The following DLEC1 variants were observed in gnomAD, a reference collection of about 807,000 sequenced individuals.
DLEC1 encodes the protein deleted in lung and esophageal cancer protein 1.
A neutral mutation model predicts 198.1 loss-of-function variants in DLEC1; 146 were observed. That is an observed-to-expected ratio of 0.74 (90% CI 0.64 to 0.85). The LOEUF is 0.85. DLEC1 is among the 40% of genes least tolerant of loss of function. DLEC1 has a pLI of 0.00. For synonymous variants in DLEC1, 897 were observed against 866.8 expected (o/e 1.03, Z -0.61); for missense variants, 2,233 against 2,220.0 (o/e 1.01, Z -0.12).
At position 38,096,635 on chromosome 3, in the gene DLEC1, G is replaced by A. The variant is rs1449169463; in HGVS notation, c.2238G>A (p.Glu746=). 6.2e-7 allele frequency: 1 copy of A among 1,613,012 alleles called. No individual in the cohort carries two copies. Among genetic ancestry groups the A allele is most frequent in the African/African-American group, 1.3e-5 (1 of 75,002 alleles). Residue 746 remains glutamate (E), a synonymous_variant, in exon 15 of 37, where the codon GAG becomes GAA. Transcript: ENST00000308059. ...SVDDVIVLEI[E]VKGSVEPFQV... ...ATGATGTGATTGTCCTGGAAATCGA[G>A]GTGAAAGGCTCAGTAGAACCTTTCC...
At chr3:38,046,475 T>TGTAA (rs1231003685) in intron 2 of DLEC1, among the ~76,000 whole-genome samples, 1 of 152,204 alleles carries the variant, frequency 6.6e-6, no homozygotes, top group Non-Finnish European at 1.5e-5. Context: ...CCTTCGCTCA[T>TGTAA]GTAAGACATG....
chr3:38,083,987 CATA>C (rs1470332504), intron 6 of DLEC1, among the ~76,000 whole-genome samples, 168 bp from the exon 7 acceptor site: 1 of 152,078 alleles, frequency 6.6e-6, no homozygotes, highest in East Asian at 1.9e-4. Context: ...CATAGGATGG[CATA>C]ATGAATCCCC....
chr3:38,121,946 C>G, intron 35 of DLEC1, 125 bp from the exon 36 acceptor site: 1 of 1,519,812 alleles, frequency 6.6e-7, no homozygotes, highest in Non-Finnish European at 8.9e-7. Flanking sequence ...CACATGATCT[C>G]AGGGTTGCCC....
At chr3:38,113,610 G>C (rs990012804) in intron 25 of DLEC1, among the ~76,000 whole-genome samples, 2 of 152,088 alleles carry the variant, frequency 1.3e-5, no homozygotes, top group Admixed American at 6.6e-5. Flanking sequence ...AGGATCACTT[G>C]TGCCCAGGAG....
intron 34 of DLEC1, among the ~76,000 whole-genome samples, chr3:38,121,329 C>T (rs1270528860): frequency 6.6e-6 from 1 of 152,206 alleles, no homozygotes; most frequent in African/African-American, 2.4e-5. Context: ...GGGGCCACCA[C>T]AGGAGGAGCA....
chr3:38,085,145 A>G (rs933560489), intron 7 of DLEC1, 129 bp from the exon 8 acceptor site: 10 of 964,960 alleles, frequency 1.0e-5, no homozygotes, highest in Non-Finnish European at 1.6e-5. Flanking sequence ...TCCTGCCATC[A>G]GCGTGGCTTT....
intron 14 of DLEC1, among the ~76,000 whole-genome samples, chr3:38,096,275 A>G (rs1314239675): frequency 2.6e-5 from 4 of 152,160 alleles, no homozygotes; most frequent in Non-Finnish European, 5.9e-5. Flanking sequence ...GTAAACCTTC[A>G]GGCTGGGGCT....
intron 23 of DLEC1, 135 bp from the exon 24 acceptor site, chr3:38,111,542 T>C (rs1336529959): frequency 3.9e-6 from 3 of 771,370 alleles, no homozygotes; most frequent in Non-Finnish European, 6.0e-6. Context: ...TGACCAGCTC[T>C]CCCCTGGGAA....
intron 24 of DLEC1, 144 bp downstream of exon 24, chr3:38,111,891 C>A: frequency 2.1e-6 from 2 of 940,384 alleles, no homozygotes; most frequent in Non-Finnish European, 3.1e-6. Flanking sequence ...CCTGACAATG[C>A]CTCTTCCTGT....
At chr3:38,063,486 AGAGAG>A (rs1696807957) in intron 5 of DLEC1, among the ~76,000 whole-genome samples, 1 of 152,130 alleles carries the variant, frequency 6.6e-6, no homozygotes, top group African/African-American at 2.4e-5. Flanking sequence ...AGAGAAGAGA[AGAGAG>A]GAGGAGAAAA....
In DLEC1 at chr3:38,072,472, C is replaced by G. The variant is rs958398200; in HGVS notation, c.1173+8553C>G. ...CCTGGTCCTTGTGTAAGAATTCTGA[C>G]TGCACAGCCCTGCACTTCGGCTGTG... On this transcript the variant is annotated intron_variant, in intron 6 of 36. Transcript: ENST00000308059. Among the ~76,000 whole-genome samples the G allele has an allele frequency of 2.0e-5, 3 of 152,136 alleles. No individual in the cohort carries two copies. In the South Asian group the frequency reaches 6.2e-4, roughly 31 times the overall value.
rs765780641 is a variant in DLEC1 at position 38,114,973 on chromosome 3, C to A, written c.3786-10C>A. The stretch of plus-strand genomic sequence containing the variant: ...TGTGGCTGTACTGAGTCCAGTCTGT[C>A]CCCCTCCAGGTTCGGCACCCAGGTC... On this transcript the variant is annotated splice_polypyrimidine_tract_variant and intron_variant, in intron 26 of 36. Coordinates refer to ENST00000308059, the MANE Select transcript of DLEC1 (RefSeq NM_007335.4). 1 of 1,612,712 alleles carries A rather than the reference C, an allele frequency of 6.2e-7. No homozygotes were observed. The highest frequency in any genetic ancestry group is 1.1e-5 in the South Asian group (1 of 90,730).
chr3:38,064,987 C>T (rs1696934861), intron 6 of DLEC1, among the ~76,000 whole-genome samples: 2 of 152,168 alleles, frequency 1.3e-5, no homozygotes, highest in South Asian at 2.1e-4. Flanking sequence ...CCAAGGCAGG[C>T]GGCTGGGAGG....
chr3:38,083,248 G>A (rs1698154634), intron 6 of DLEC1, among the ~76,000 whole-genome samples: 1 of 151,432 alleles, frequency 6.6e-6, no homozygotes, highest in Admixed American at 6.6e-5. Flanking sequence ...TTTCACCTGG[G>A]TACAAGTGGG....
rs747680301 is a variant in DLEC1, at chr3:38,117,296, C to T, written c.4394C>T (p.Pro1465Leu). ...CTGGACCTGCATAGCTACGTGAGGCCTGCACAGTGAGTCAGCTGGGGTGCC... is the reference window on the plus strand; with the variant it reads ...CTGGACCTGCATAGCTACGTGAGGCTTGCACAGTGAGTCAGCTGGGGTGCC... Reference protein sequence around the residue: ...LKLDLHSYVRPAQLSVELDYG... With the variant: ...LKLDLHSYVRLAQLSVELDYG... The change falls in exon 31 of 37, where the codon CCT (proline) becomes CTT (leucine). Residue 1465 changes from proline to leucine, a missense_variant. Pro to Leu is a moderately conservative substitution (Grantham distance 98, BLOSUM62 -3). Coordinates refer to ENST00000308059, the MANE Select transcript of DLEC1 (RefSeq NM_007335.4). 1 of 1,614,064 alleles carries T rather than the reference C, an allele frequency of 6.2e-7. No individual in the cohort carries two copies. The highest frequency in any genetic ancestry group is 8.5e-7 in the Non-Finnish European group (1 of 1,179,958).
intron 10 of DLEC1, among the ~76,000 whole-genome samples, chr3:38,091,751 A>G (rs1249384567): frequency 6.6e-6 from 1 of 152,202 alleles, no homozygotes; most frequent in Non-Finnish European, 1.5e-5. Context: ...GTATATGAAA[A>G]CATTCTCAAC....
chr3:38,074,357 G>GT (rs770223927), intron 6 of DLEC1, among the ~76,000 whole-genome samples: 1 of 152,182 alleles, frequency 6.6e-6, no homozygotes, highest in Non-Finnish European at 1.5e-5. Flanking sequence ...AATTTTTGAA[G>GT]TTTTTTCCTA....
intron 5 of DLEC1, 48 bp downstream of exon 5, chr3:38,062,849 G>C: frequency 2.5e-6 from 4 of 1,594,302 alleles, no homozygotes; most frequent in Non-Finnish European, 3.4e-6. Flanking sequence ...GCCCATGAGA[G>C]TTAACCTAGA....
intron 6 of DLEC1, among the ~76,000 whole-genome samples, chr3:38,078,436 G>A (rs1285341791): frequency 3.9e-5 from 6 of 152,202 alleles, no homozygotes; most frequent in Admixed American, 2.6e-4. Flanking sequence ...GTGCGGTCCT[G>A]GCTCTTGTGT....
Sources: allele counts gnomAD v4.1 joint callset (sites outside exome capture counted in the v4.1 genomes callset), GRCh38; gene constraint gnomAD v4.1.1; transcripts MANE v1.5; gene names NCBI Gene and HGNC (gene_info 2026-07-23, HGNC 2026-07-21).